Variants in SDHA observed in about 807,000 individuals in gnomAD.
The protein encoded by SDHA is succinate dehydrogenase [ubiquinone] flavoprotein subunit, mitochondrial.
In SDHA, 48 loss-of-function variants were observed where a neutral mutation model predicts 78.4. The ratio of observed to expected loss-of-function variants is 0.61; its 90% CI spans 0.49 to 0.78. SDHA has a LOEUF of 0.78. SDHA is among the 30% of genes least tolerant of loss of function. The probability of loss-of-function intolerance (pLI) is 0.00; values close to 1 mark genes in which losing one functional copy is unlikely to be tolerated. For missense variants in SDHA, 680 were observed against 892.7 expected (o/e 0.76, Z 3.04); for synonymous variants, 326 against 353.9 (o/e 0.92, Z 0.88).
chr5:236,692 T>C, intron 10 of SDHA, 93 bp downstream of exon 10: 1 of 1,239,970 alleles, frequency 8.1e-7, no homozygotes, highest in South Asian at 1.3e-5. Context: ...CAGCCCAGGC[T>C]GGAGTGCAGT....
chr5:234,828 G>A (rs1430284858), intron 8 of SDHA: 8 of 404,920 alleles, frequency 2.0e-5, no homozygotes, highest in Middle Eastern at 7.8e-4. Flanking sequence ...ACGCAGGGAC[G>A]ACTGTATTTG....
intron 3 of SDHA, chr5:224,970 G>A (rs1297984671): frequency 3.0e-6 from 1 of 332,008 alleles, no homozygotes; most frequent in African/African-American, 2.1e-5. Context: ...GTACAGGGGA[G>A]TGCGACTCTG....
intron 11 of SDHA, among the ~76,000 whole-genome samples, chr5:242,221 C>T (rs182456976): frequency 3.8e-4 from 58 of 152,244 alleles, no homozygotes; most frequent in Admixed American, 8.5e-4. Flanking sequence ...CAAATGTGGC[C>T]CAAAACTGAC....
At chr5:259,464 C>T (rs1265475243), downstream of SDHA, among the ~76,000 whole-genome samples, 4 of 35,180 alleles carry the variant, frequency 1.1e-4, no homozygotes, top group Non-Finnish European at 2.2e-4. Flanking sequence ...GTGAGCTCCG[C>T]CTCCTGCCAG....
the SDHA span, among the ~76,000 whole-genome samples, chr5:267,124 A>G: frequency 9.2e-5 from 14 of 152,378 alleles, 1 homozygote; most frequent in African/African-American, 3.4e-4. Flanking sequence ...AGCCTGTGTT[A>G]AAAGCAGTAT....
intron 10 of SDHA, among the ~76,000 whole-genome samples, chr5:237,822 G>C (rs1287755702): frequency 3.6e-5 from 5 of 137,458 alleles, no homozygotes; most frequent in African/African-American, 3.4e-5. Context: ...GCTTACTTCA[G>C]ACACTCTGTC....
intron 13 of SDHA, among the ~76,000 whole-genome samples, chr5:253,687 G>A (rs1220048535): frequency 3.9e-5 from 6 of 152,050 alleles, no homozygotes; most frequent in Admixed American, 2.6e-4. Context: ...CACCCACCTC[G>A]GCCTCCCAAA....
At chr5:235,412 T>C in intron 9 of SDHA, 73 bp downstream of exon 9, 2 of 1,385,648 alleles carry the variant, frequency 1.4e-6, no homozygotes, top group Non-Finnish European at 2.1e-6. Context: ...CAGTTGTCTC[T>C]TTAGATCTTA....
chr5:230,488 G>A (rs10069074), intron 6 of SDHA, among the ~76,000 whole-genome samples: 19,645 of 152,010 alleles, frequency 0.13, 1,333 homozygotes, highest in Admixed American at 0.17. Context: ...TTAACTGGGC[G>A]TGGTGGTGCA....
intron 5 of SDHA, among the ~76,000 whole-genome samples, chr5:227,349 A>C (rs1735095695): frequency 6.6e-6 from 1 of 152,226 alleles, no homozygotes; most frequent in African/African-American, 2.4e-5. Flanking sequence ...CTGAAGAAAG[A>C]CTTGAGGTGA....
chr5:262,257 A>C, the SDHA span, among the ~76,000 whole-genome samples: 1 of 108,754 alleles, frequency 9.2e-6, no homozygotes. Context: ...GCCTCCCGTC[A>C]CAGCATTACC....
In SDHA at chr5:222,373, T is replaced by C. The variant is rs192918449; in HGVS notation, c.64-1109T>C. On this transcript the variant is annotated intron_variant, in intron 1 of 14. Coordinates refer to ENST00000264932, the MANE Select transcript of SDHA (RefSeq NM_004168.4). ...TTCTTTTTTTTTTTTTTGGAGACGT[T>C]GTCTCTCTCTGTTGCCGAGGCCGGA... 6.1e-3 allele frequency among the ~76,000 whole-genome samples: 908 copies of C among 149,796 alleles called. 15 individuals carry two copies. The highest frequency in any genetic ancestry group is 0.021 in the African/African-American group (858 of 40,462).
chr5:246,479 C>T (rs1160109884), intron 11 of SDHA, among the ~76,000 whole-genome samples: 3 of 124,736 alleles, frequency 2.4e-5, no homozygotes, highest in Admixed American at 2.4e-4. Context: ...AAGCTCAAAT[C>T]AATAGAATAG....
chr5:239,526 A>G (rs1736007493), intron 10 of SDHA, among the ~76,000 whole-genome samples: 1 of 150,992 alleles, frequency 6.6e-6, no homozygotes, highest in South Asian at 2.1e-4. Context: ...CACTGACTGC[A>G]CTCCAACCTG....
rs1169312482 is a variant in SDHA, at chr5:250,836, T to C, written c.1552-156T>C. The C allele has an allele frequency of 2.9e-5, 20 of 691,638 alleles. No individual in the cohort carries two copies. The Admixed American group carries it at 3.8e-4, about 13-fold the overall frequency. 42.8% of individuals were successfully genotyped at this position (691,638 alleles called of 1,614,324 possible). Reference sequence around the variant, plus strand: ...TTAGTCAAAACTTCATTTTTAAGTTTGGAGTAATAAACTCATAGTCTGAAT... The same window carrying C: ...TTAGTCAAAACTTCATTTTTAAGTTCGGAGTAATAAACTCATAGTCTGAAT... On this transcript the variant is annotated intron_variant, in intron 11 of 14. Transcript: ENST00000264932.
intron 10 of SDHA, among the ~76,000 whole-genome samples, chr5:240,060 C>T (rs568422456): frequency 6.6e-6 from 1 of 152,344 alleles, no homozygotes; most frequent in South Asian, 2.1e-4. Context: ...TGAGCCACCG[C>T]ACCCGGCCTA....
At chr5:220,937 T>C (rs980917985) in intron 1 of SDHA, among the ~76,000 whole-genome samples, 35 of 151,760 alleles carry the variant, frequency 2.3e-4, no homozygotes, top group African/African-American at 7.3e-4. Flanking sequence ...CTCAGCCTCC[T>C]GAGTAGCTGG....
rs556013829 is a variant in SDHA, at chr5:242,601, A to G, written c.1551+2125A>G. On this transcript the variant is annotated intron_variant, in intron 11 of 14. Transcript: ENST00000264932. ...CTATATTTCTGTGTGTGTGTCTTTA[A>G]TTCCTCTAGCGCCGCTGGGTTAGGG... is the stretch of plus-strand genomic sequence containing the variant. Among the ~76,000 whole-genome samples the G allele has an allele frequency of 3.3e-5, 5 of 152,260 alleles. No homozygotes were observed. In the East Asian group the frequency reaches 9.7e-4, roughly 29 times the overall value.
At chr5:221,092 TGTGAGCC>T (rs1365355131) in intron 1 of SDHA, among the ~76,000 whole-genome samples, 1 of 152,092 alleles carries the variant, frequency 6.6e-6, no homozygotes, top group African/African-American at 2.4e-5. Flanking sequence ...GGATTACAGG[TGTGAGCC>T]ACCACGCCCG....
Sources: gnomAD v4.1 joint callset for allele counts (sites outside exome capture counted in the v4.1 genomes callset) on GRCh38, gnomAD v4.1.1 for gene constraint, MANE v1.5 for transcripts, NCBI Gene and HGNC (gene_info 2026-07-23, HGNC 2026-07-21) for gene names.